MACROD1: variants seen among roughly 807,000 people sequenced by gnomAD.
MACROD1 encodes the protein mono-ADP ribosylhydrolase 1.
MACROD1 carries 31 observed loss-of-function variants against 41.4 expected under a neutral mutation model. The observed-to-expected ratio is 0.75, with a 90% CI of 0.56 to 1.01. The LOEUF (loss-of-function observed/expected upper bound fraction) is 1.01, where lower values mean the gene tolerates loss of function less well. Among genes scored for constraint, MACROD1 ranks in the 50% least tolerant of loss-of-function variants. The probability of loss-of-function intolerance (pLI) is 0.00; values close to 1 mark genes in which losing one functional copy is unlikely to be tolerated. For synonymous variants in MACROD1, 252 were observed against 203.4 expected (o/e 1.24, Z -2.03); for missense variants, 473 against 460.0 (o/e 1.03, Z -0.26).
chr11:64,088,526 TCTCCTCTCAC>T (rs1208025985), intron 3 of MACROD1, among the ~76,000 whole-genome samples: 6 of 152,118 alleles, frequency 3.9e-5, no homozygotes, highest in African/African-American at 1.4e-4. Context: ...AGAGGCTGAC[TCTCCTCTCAC>T]CTGCAGGTGG....
At chr11:64,105,152 G>A (rs1265945031) in intron 3 of MACROD1, among the ~76,000 whole-genome samples, 5 of 152,238 alleles carry the variant, frequency 3.3e-5, no homozygotes, top group South Asian at 4.1e-4. Context: ...GCTATTTGCT[G>A]TTATTTATTA....
intron 3 of MACROD1, among the ~76,000 whole-genome samples, chr11:64,132,233 T>C (rs1191866117): frequency 6.6e-6 from 1 of 151,878 alleles, no homozygotes; most frequent in African/African-American, 2.4e-5. Flanking sequence ...GGAGGAGAGC[T>C]GTTTGATGCC....
At chr11:64,084,260 G>C (rs1364683735) in intron 3 of MACROD1, among the ~76,000 whole-genome samples, 1 of 152,130 alleles carries the variant, frequency 6.6e-6, no homozygotes, top group Non-Finnish European at 1.5e-5. Context: ...AAGGTGACAC[G>C]GCTATTTCCA....
intron 3 of MACROD1, among the ~76,000 whole-genome samples, chr11:64,031,268 G>A (rs964743951): frequency 1.1e-4 from 17 of 152,080 alleles, no homozygotes; most frequent in African/African-American, 3.9e-4. Flanking sequence ...CACCCTCTCT[G>A]GGACTTTCCT....
In MACROD1 at chr11:64,036,912, T is replaced by C. The variant is rs1346428189; in HGVS notation, c.518-21631A>G. ...GACCCCGGGGAGGAAGGCTGGGGAG[T>C]GTTGTCGCCCAGCTGCAGGGAACCG... On this transcript the variant is annotated intron_variant, in intron 3 of 10. Coordinates refer to ENST00000255681, the MANE Select transcript of MACROD1 (RefSeq NM_014067.4). This position sits in a 1 kb window ranked among gnomAD's most constrained non-coding sequence, Gnocchi z 5.6. 4.0e-5 allele frequency among the ~76,000 whole-genome samples: 6 copies of C among 151,252 alleles called. No individual in the cohort carries two copies. The highest frequency in any genetic ancestry group is 3.3e-4 in the Admixed American group (5 of 15,222).
chr11:64,004,463 T>TA (rs1179056514), intron 4 of MACROD1, among the ~76,000 whole-genome samples: 1 of 152,150 alleles, frequency 6.6e-6, no homozygotes, highest in Non-Finnish European at 1.5e-5. Flanking sequence ...TTCCTCATGC[T>TA]AAACAAACAA....
In MACROD1 at chr11:64,118,149, C is replaced by T. The variant is rs369537394; in HGVS notation, c.517+33090G>A. 88 of 1,613,848 alleles carry T rather than the reference C, an allele frequency of 5.5e-5. 3 individuals carry two copies. Among genetic ancestry groups the T allele is most frequent in the Middle Eastern group, 5.0e-4 (3 of 6,058 alleles). ...GCAGATGCTGCCCATCAACCCGTAC[C>T]GCGCCAAAGAAGAGTACGTGGTCCA... On this transcript the variant is annotated intron_variant, in intron 3 of 10. Coordinates refer to ENST00000255681, the MANE Select transcript of MACROD1 (RefSeq NM_014067.4).
At chr11:64,165,272 G>A (rs1033781142) in intron 1 of MACROD1, among the ~76,000 whole-genome samples, 5 of 152,202 alleles carry the variant, frequency 3.3e-5, no homozygotes, top group African/African-American at 1.2e-4. Flanking sequence ...ACTGTGCAAA[G>A]TTTGGAGAGT....
chr11:64,047,861 C>T (rs991233351), intron 3 of MACROD1, among the ~76,000 whole-genome samples: 11 of 148,444 alleles, frequency 7.4e-5, no homozygotes, highest in Non-Finnish European at 1.5e-4. Flanking sequence ...CGTGCCATTG[C>T]ACTCCAGCCT....
chr11:64,091,798 GT>G (rs1944495600), intron 3 of MACROD1, among the ~76,000 whole-genome samples: 1 of 152,174 alleles, frequency 6.6e-6, no homozygotes, highest in African/African-American at 2.4e-5. Context: ...CCTCCTGACA[GT>G]GGGCCACTAC....
intron 3 of MACROD1, among the ~76,000 whole-genome samples, chr11:64,149,413 G>C (rs983019716): frequency 6.6e-6 from 1 of 152,130 alleles, no homozygotes; most frequent in African/African-American, 2.4e-5. Flanking sequence ...TGGCCCTGGT[G>C]CAAATGGAGC....
intron 3 of MACROD1, among the ~76,000 whole-genome samples, chr11:64,088,354 G>A (rs962540758): frequency 2.0e-5 from 3 of 152,186 alleles, no homozygotes; most frequent in African/African-American, 7.2e-5. Flanking sequence ...CCAGGGGGCA[G>A]TGGGGCCTTG....
At chr11:64,085,891 G>A (rs888905124) in intron 3 of MACROD1, among the ~76,000 whole-genome samples, 1 of 152,248 alleles carries the variant, frequency 6.6e-6, no homozygotes, top group East Asian at 1.9e-4. Context: ...AGGAAAGGGG[G>A]CCCTTCTCAG....
At chr11:64,142,715 G>A (rs763650722) in intron 3 of MACROD1, among the ~76,000 whole-genome samples, 7 of 152,186 alleles carry the variant, frequency 4.6e-5, no homozygotes, top group East Asian at 1.9e-4. Flanking sequence ...TGGGTGTTCC[G>A]GGCTTTCTAA....
intron 3 of MACROD1, among the ~76,000 whole-genome samples, chr11:64,041,848 A>C (rs919864923): frequency 6.6e-6 from 1 of 152,146 alleles, no homozygotes; most frequent in Non-Finnish European, 1.5e-5. Context: ...GGCAAGTCGC[A>C]GAGGGTCACG....
At chr11:64,057,848 C>T (rs1943818739) in intron 3 of MACROD1, among the ~76,000 whole-genome samples, 2 of 152,230 alleles carry the variant, frequency 1.3e-5, no homozygotes, top group Non-Finnish European at 2.9e-5. Context: ...TTCCACTTTA[C>T]AGTTGTGGAA....
intron 1 of MACROD1, among the ~76,000 whole-genome samples, chr11:64,153,595 G>A (rs1467664748): frequency 6.6e-6 from 1 of 152,154 alleles, no homozygotes; most frequent in Non-Finnish European, 1.5e-5. Flanking sequence ...ACTGCTGGCA[G>A]GGGTGATAAC....
At chr11:64,092,577 C>T (rs1033738194) in intron 3 of MACROD1, among the ~76,000 whole-genome samples, 2 of 152,228 alleles carry the variant, frequency 1.3e-5, no homozygotes, top group African/African-American at 2.4e-5. Flanking sequence ...TGGCCCAGCC[C>T]GGCTCCTCTG....
chr11:64,024,613 T>C (rs72916390), intron 3 of MACROD1, among the ~76,000 whole-genome samples: 4,982 of 152,312 alleles, frequency 0.033, 113 homozygotes, highest in Non-Finnish European at 0.05. Flanking sequence ...TCCCTGAAAC[T>C]CAATTACCAG....
Sources: allele counts gnomAD v4.1 joint callset (sites outside exome capture counted in the v4.1 genomes callset), GRCh38; gene constraint gnomAD v4.1.1; non-coding constraint Gnocchi (gnomAD v3.1); transcripts MANE v1.5; gene names NCBI Gene and HGNC (gene_info 2026-07-23, HGNC 2026-07-21).